The following MTREX variants were observed in gnomAD, a reference collection of about 807,000 sequenced individuals.
MTREX encodes Mtr4 exosome RNA helicase.
A neutral mutation model predicts 135.4 loss-of-function variants in MTREX; 76 were observed. The observed-to-expected ratio is 0.56, with a 90% CI of 0.47 to 0.68. The LOEUF (loss-of-function observed/expected upper bound fraction) is 0.68, where lower values mean the gene tolerates loss of function less well. Ranked by LOEUF, MTREX falls within the 30% of genes least tolerant of loss-of-function variation. MTREX has a pLI of 0.00. For missense variants in MTREX, 920 were observed against 1,262.1 expected (o/e 0.73, Z 4.11); for synonymous variants, 404 against 401.6 (o/e 1.01, Z -0.07).
chr5:55,359,726 T>C (rs913301990), intron 15 of MTREX, among the ~76,000 whole-genome samples: 2 of 152,222 alleles, frequency 1.3e-5, no homozygotes, highest in African/African-American at 2.4e-5. Context: ...GTGCCAGATA[T>C]AGCACATGCT....
At chr5:55,324,001 C>A in intron 2 of MTREX, 131 bp from the exon 3 acceptor site, 1 of 640,782 alleles carries the variant, frequency 1.6e-6, no homozygotes, top group Non-Finnish European at 2.8e-6. Context: ...TTCTTAATAG[C>A]CAAAGTTTTT....
In MTREX at chr5:55,397,503, C is replaced by CA; in HGVS notation, c.2270dup (p.Ser758GlufsTer15). ...AGACCTTCGGCCGGTGGACAATAGA[C>CA]AGAGTGTTTTAAAATCAATACAGGT... On this transcript the variant is annotated frameshift_variant, in exon 20 of 27. Transcript: ENST00000230640. LOFTEE classifies it high-confidence loss of function. 1 of 1,605,922 alleles carries CA rather than the reference C, an allele frequency of 6.2e-7. No individual in the cohort carries two copies. Among genetic ancestry groups the CA allele is most frequent in the Non-Finnish European group, 8.5e-7 (1 of 1,173,726 alleles).
chr5:55,364,277 AATTGGGTGTTCAG>A (rs1438657627), intron 15 of MTREX, among the ~76,000 whole-genome samples: 1 of 152,176 alleles, frequency 6.6e-6, no homozygotes, highest in East Asian at 1.9e-4. Flanking sequence ...TTGATTGCTA[AATTGGGTGTTCAG>A]TTCTGAGCCT....
intron 5 of MTREX, among the ~76,000 whole-genome samples, chr5:55,335,084 A>G (rs987756007): frequency 1.3e-5 from 2 of 152,034 alleles, no homozygotes; most frequent in African/African-American, 4.8e-5. Context: ...TGTGATGACT[A>G]AGGGTGTTAA....
intron 12 of MTREX, among the ~76,000 whole-genome samples, chr5:55,349,948 T>C (rs1312479833): frequency 6.6e-6 from 1 of 152,172 alleles, no homozygotes. Flanking sequence ...ACTTTTTTAA[T>C]CCAGAAGGCT....
At chr5:55,323,259 G>A (rs989057119) in intron 2 of MTREX, among the ~76,000 whole-genome samples, 3 of 152,122 alleles carry the variant, frequency 2.0e-5, no homozygotes, top group African/African-American at 4.8e-5. Flanking sequence ...TAACTTTTGA[G>A]TTTGTCCAAA....
chr5:55,333,270 A>G lies in MTREX; in HGVS notation c.515+4459A>G, dbSNP rs1350964065. 2.6e-5 allele frequency among the ~76,000 whole-genome samples: 4 copies of G among 152,124 alleles called. No homozygotes were observed. In the East Asian group the frequency reaches 7.7e-4, roughly 29 times the overall value. ...TTATCTCTTTCTCAGCCTTAAACAC[A>G]TTATGGTTCTCTATCACCCTAGTTA... is the stretch of plus-strand genomic sequence containing the variant. On this transcript the variant is annotated intron_variant, in intron 5 of 26. Coordinates refer to ENST00000230640, the MANE Select transcript of MTREX (RefSeq NM_015360.5).
chr5:55,318,074 C>A (rs1341958178), intron 1 of MTREX, among the ~76,000 whole-genome samples: 1 of 152,066 alleles, frequency 6.6e-6, no homozygotes, highest in Non-Finnish European at 1.5e-5. Flanking sequence ...AATGAGATAC[C>A]ATCTAACACC....
intron 21 of MTREX, among the ~76,000 whole-genome samples, chr5:55,404,674 TCAC>T (rs1750773664): frequency 6.6e-6 from 1 of 152,154 alleles, no homozygotes; most frequent in African/African-American, 2.4e-5. Flanking sequence ...TATCCTAAAT[TCAC>T]CACTGACTTT....
At chr5:55,413,546 T>G (rs1196362464) in intron 23 of MTREX, among the ~76,000 whole-genome samples, 1 of 152,176 alleles carries the variant, frequency 6.6e-6, no homozygotes, top group Non-Finnish European at 1.5e-5. Flanking sequence ...GTACACAGAA[T>G]TTAAGCAGCT....
At chr5:55,330,743 T>C (rs904515326) in intron 5 of MTREX, among the ~76,000 whole-genome samples, 1 of 152,050 alleles carries the variant, frequency 6.6e-6, no homozygotes, top group African/African-American at 2.4e-5. Context: ...TTCATTATAT[T>C]TGGGGAAATT....
At chr5:55,349,751 A>G in intron 12 of MTREX, 99 bp downstream of exon 12, 2 of 692,790 alleles carry the variant, frequency 2.9e-6, no homozygotes, top group South Asian at 3.5e-5. Context: ...CACTTTTCAC[A>G]CACTGTAGCA....
At position 55,417,976 on chromosome 5, in the gene MTREX, G is replaced by T. The variant is rs371677020; in HGVS notation, c.2971+1844G>T. Among the ~76,000 whole-genome samples, 147 of 150,668 alleles carry T rather than the reference G, an allele frequency of 9.8e-4. No homozygotes were observed. In the South Asian group the frequency reaches 0.01, roughly 11 times the overall value. On this transcript the variant is annotated intron_variant, in intron 25 of 26. Coordinates refer to ENST00000230640, the MANE Select transcript of MTREX (RefSeq NM_015360.5). ...CAGGCCAGGCACGGTGGCTTACGCC[G>T]GTAATCCCAACACTTTGGGAGGCCG... is the stretch of plus-strand genomic sequence containing the variant.
chr5:55,372,716 C>A (rs542219493), intron 16 of MTREX, among the ~76,000 whole-genome samples: 2 of 152,258 alleles, frequency 1.3e-5, no homozygotes, highest in Non-Finnish European at 2.9e-5. Flanking sequence ...ACCCTTACCT[C>A]ACGCCATATA....
At position 55,416,083 on chromosome 5, in the gene MTREX, A is replaced by C. The variant is rs1554035411; in HGVS notation, c.2922A>C (p.Ala974=). Residue 974 remains alanine (A), a synonymous_variant, in exon 25 of 27, where the codon GCA becomes GCC. Coordinates refer to ENST00000230640, the MANE Select transcript of MTREX (RefSeq NM_015360.5). ...PHLMDVVYTW[A]TGATFAHICK... is the part of the protein sequence containing the mutation. ...TAATGGATGTAGTATATACCTGGGC[A>C]ACTGGAGCTACATTTGCCCATATCT... is the stretch of plus-strand genomic sequence containing the variant. The C allele has an allele frequency of 6.3e-7, 1 of 1,593,648 alleles. No homozygotes were observed. The highest frequency in any genetic ancestry group is 8.5e-7 in the Non-Finnish European group (1 of 1,173,696).
At chr5:55,417,108 T>G (rs1350465941) in intron 25 of MTREX, among the ~76,000 whole-genome samples, 2 of 152,174 alleles carry the variant, frequency 1.3e-5, no homozygotes, top group Non-Finnish European at 2.9e-5. Context: ...ATAGCACATT[T>G]TTAAATTATG....
Position 55,384,523 on chromosome 5 carries a change from C to T in MTREX, c.2053-3451C>T, listed in dbSNP as rs533139721. On this transcript the variant is annotated intron_variant, in intron 18 of 26. Transcript: ENST00000230640. ...ATCTGGTCACTATTACAGGCAAATT[C>T]TGTTGCCTACATTTTTCCCTGTTCT... 3.3e-5 allele frequency among the ~76,000 whole-genome samples: 5 copies of T among 152,302 alleles called. No individual in the cohort carries two copies. The South Asian group carries it at 1.0e-3, about 32-fold the overall frequency.
chr5:55,397,376 G>A, intron 19 of MTREX, 40 bp from the exon 20 acceptor site: 5 of 1,314,172 alleles, frequency 3.8e-6, no homozygotes, highest in Non-Finnish European at 5.4e-6. Context: ...ATGAACATGT[G>A]CAAATTTAAC....
chr5:55,348,671 A>G (rs1024308170), intron 11 of MTREX, among the ~76,000 whole-genome samples: 1 of 152,216 alleles, frequency 6.6e-6, no homozygotes, highest in Admixed American at 6.5e-5. Flanking sequence ...ATAGCCTTCT[A>G]AAGCCACTAA....
Sources: allele counts gnomAD v4.1 joint callset (sites outside exome capture counted in the v4.1 genomes callset), GRCh38; gene constraint gnomAD v4.1.1; transcripts MANE v1.5; gene names NCBI Gene and HGNC (gene_info 2026-07-23, HGNC 2026-07-21).